STRN: variants seen among roughly 807,000 people sequenced by gnomAD.
STRN encodes the protein protein phosphatase 2 regulatory subunit B'''alpha.
Under a neutral mutation model 96.3 loss-of-function variants are expected in STRN, and 53 were observed. The observed-to-expected ratio is 0.55, with a 90% CI of 0.44 to 0.69. STRN has a LOEUF of 0.69. STRN is among the 30% of genes least tolerant of loss of function. The pLI is 0.00. For missense variants in STRN, 987 were observed against 963.9 expected (o/e 1.02, Z -0.32); for synonymous variants, 428 against 355.9 (o/e 1.20, Z -2.28).
intron 1 of STRN, among the ~76,000 whole-genome samples, chr2:36,936,256 C>G (rs1384756017): frequency 6.6e-6 from 1 of 152,094 alleles, no homozygotes; most frequent in Non-Finnish European, 1.5e-5. Flanking sequence ...GTGTGCTGTC[C>G]TTAGTATATG....
intron 1 of STRN, among the ~76,000 whole-genome samples, chr2:36,930,753 C>T (rs1237961914): frequency 1.3e-5 from 2 of 152,084 alleles, no homozygotes; most frequent in African/African-American, 4.8e-5. Context: ...GTCCCAGAGG[C>T]CGGGCGCAGT....
chr2:36,959,009 G>A (rs577341488), intron 1 of STRN, among the ~76,000 whole-genome samples: 3 of 152,190 alleles, frequency 2.0e-5, no homozygotes, highest in East Asian at 1.9e-4. Flanking sequence ...CCAGCTACTC[G>A]GGAGGCTGAG....
intron 1 of STRN, 37 bp from the exon 2 acceptor site, chr2:36,925,245 C>T (rs1420926817): frequency 2.6e-6 from 4 of 1,533,094 alleles, no homozygotes; most frequent in Admixed American, 2.0e-5. Context: ...TCAGTTTAGA[C>T]CAAAAAAAAA....
rs1401240076 is a variant in STRN, at chr2:36,839,136, G to T, written c.*10320C>A. ...GAAGGGGTATGATGGGACATGCTTC[G>T]TTTTGCCATTATGAATCTTTATGCA... On this transcript the variant is annotated 3_prime_UTR_variant, in exon 18 of 18. Coordinates refer to ENST00000263918, the MANE Select transcript of STRN (RefSeq NM_003162.4). Among the ~76,000 whole-genome samples, 1 of 152,108 alleles carries T rather than the reference G, an allele frequency of 6.6e-6. No homozygotes were observed. Among genetic ancestry groups the T allele is most frequent in the Non-Finnish European group, 1.5e-5 (1 of 68,030 alleles).
intron 8 of STRN, among the ~76,000 whole-genome samples, chr2:36,886,234 A>G (rs1669222863): frequency 1.3e-5 from 2 of 152,178 alleles, no homozygotes; most frequent in African/African-American, 2.4e-5. Context: ...TATAGCATAT[A>G]GTGGTATGAG....
chr2:36,883,860 C>T (rs1181534798), intron 9 of STRN, 72 bp downstream of exon 9: 7 of 1,269,414 alleles, frequency 5.5e-6, no homozygotes, highest in Admixed American at 3.1e-5. Context: ...ATAGGAGAGG[C>T]CTTTCTAATG....
intron 9 of STRN, among the ~76,000 whole-genome samples, chr2:36,878,950 A>G (rs937428302): frequency 9.4e-5 from 14 of 149,188 alleles, no homozygotes; most frequent in African/African-American, 3.2e-4. Flanking sequence ...ACGGGGTTTC[A>G]CCATGTTGGC....
intron 1 of STRN, among the ~76,000 whole-genome samples, chr2:36,957,993 C>G (rs1210498322): frequency 6.7e-6 from 1 of 149,486 alleles, no homozygotes; most frequent in South Asian, 2.1e-4. Context: ...GATCTTGGCT[C>G]ACTGCAAGCT....
chr2:36,867,669 C>A, intron 12 of STRN, 145 bp downstream of exon 12: 1 of 464,790 alleles, frequency 2.2e-6, no homozygotes, highest in Non-Finnish European at 3.6e-6. Flanking sequence ...TTCGTTTTAG[C>A]ATTATATTAT....
chr2:36,856,420 T>C lies in STRN; in HGVS notation c.1838-1068A>G, dbSNP rs138823310. On this transcript the variant is annotated intron_variant, in intron 14 of 17. Transcript: ENST00000263918. ...AAATATCCATCAAGATATAAATGAA[T>C]AGACAAATTATGGCTTAATGAAATA... is the stretch of plus-strand genomic sequence containing the variant. Among the ~76,000 whole-genome samples the C allele has an allele frequency of 1.0e-3, 157 of 152,216 alleles. 1 individual carries two copies. The highest frequency in any genetic ancestry group is 3.2e-3 in the African/African-American group (131 of 41,534).
At chr2:36,954,804 A>AT (rs1664844553) in intron 1 of STRN, among the ~76,000 whole-genome samples, 1 of 151,764 alleles carries the variant, frequency 6.6e-6, no homozygotes, top group Non-Finnish European at 1.5e-5. Flanking sequence ...CGCCCAGCTA[A>AT]TTTTTTGTAT....
At chr2:36,853,343 TAAC>T (rs1668266566) in intron 15 of STRN, among the ~76,000 whole-genome samples, 1 of 152,008 alleles carries the variant, frequency 6.6e-6, no homozygotes, top group Non-Finnish European at 1.5e-5. Context: ...AGAATAACAG[TAAC>T]AACAAAAAAA....
At chr2:36,964,007 AAAG>A (rs1292992889) in intron 1 of STRN, among the ~76,000 whole-genome samples, 1 of 152,104 alleles carries the variant, frequency 6.6e-6, no homozygotes, top group Non-Finnish European at 1.5e-5. Context: ...GGAAAAAAAA[AAAG>A]GAGTCTCTTT....
chr2:36,850,939 A>G (rs1177042649), intron 16 of STRN, 61 bp downstream of exon 16: 5 of 1,343,814 alleles, frequency 3.7e-6, no homozygotes, highest in Admixed American at 2.3e-5. Context: ...AAATTAGCCT[A>G]CTTGTGGTAG....
At chr2:36,918,016 G>C (rs1010131419) in intron 2 of STRN, among the ~76,000 whole-genome samples, 1 of 152,066 alleles carries the variant, frequency 6.6e-6, no homozygotes, top group African/African-American at 2.4e-5. Context: ...CCTTGGGAAA[G>C]GAAATCAATG....
intron 10 of STRN, among the ~76,000 whole-genome samples, chr2:36,871,097 T>C (rs932389183): frequency 6.6e-6 from 1 of 152,240 alleles, no homozygotes; most frequent in African/African-American, 2.4e-5. Context: ...GTCAAAATGT[T>C]TTTAAAAATT....
At chr2:36,872,543 T>G (rs1668789324) in intron 10 of STRN, among the ~76,000 whole-genome samples, 1 of 152,232 alleles carries the variant, frequency 6.6e-6, no homozygotes, top group South Asian at 2.1e-4. Context: ...GTTTTTTGTT[T>G]TAAGCCGCTA....
At position 36,847,954 on chromosome 2, in the gene STRN, C is replaced by T. The variant is rs1414693389; in HGVS notation, c.*1502G>A. On this transcript the variant is annotated 3_prime_UTR_variant, in exon 18 of 18. Coordinates refer to ENST00000263918, the MANE Select transcript of STRN (RefSeq NM_003162.4). ...ATATGTTTTTTGGTGGAAAGTTGGA[C>T]GTTAATAATTTATTTCCAATTTCTA... 7 of 152,086 alleles carry T rather than the reference C, an allele frequency of 4.6e-5. No homozygotes were observed. The highest frequency in any genetic ancestry group is 3.8e-4 in the East Asian group (2 of 5,196). The allele number at this position is 152,086 out of a possible 1,614,324, so 9.4% of individuals were successfully genotyped here.
rs761479283 is a variant in STRN at position 36,899,529 on chromosome 2, A to G, written c.789T>C (p.Thr263=). The G allele has an allele frequency of 6.2e-7, 1 of 1,611,704 alleles. No individual in the cohort carries two copies. Among genetic ancestry groups the G allele is most frequent in the African/African-American group, 1.3e-5 (1 of 74,670 alleles). The change falls in exon 6 of 18, where the codon ACT becomes ACC. Residue 263 remains threonine (T), a synonymous_variant. Coordinates refer to ENST00000263918, the MANE Select transcript of STRN (RefSeq NM_003162.4). ...VDGREKSVID[T]STIVRKKALP... ...TATGAGTTATCTAACTCACTGTTGA[A>G]GTATCAATGACGCTTTTCTCTCTTC...
Sources: allele counts gnomAD v4.1 joint callset (sites outside exome capture counted in the v4.1 genomes callset), GRCh38; gene constraint gnomAD v4.1.1; transcripts MANE v1.5; gene names NCBI Gene and HGNC (gene_info 2026-07-23, HGNC 2026-07-21).